The following RBM14 variants were observed in gnomAD, a reference collection of about 807,000 sequenced individuals.
RBM14 encodes RNA-binding protein 14.
RBM14 carries 5 observed loss-of-function variants against 52.8 expected under a neutral mutation model. That is an observed-to-expected ratio of 0.09 (90% confidence interval 0.05 to 0.20). The LOEUF is 0.20. Ranked by LOEUF, RBM14 falls within the 10% of genes least tolerant of loss-of-function variation. The probability of loss-of-function intolerance (pLI) is 1.00; values close to 1 mark genes in which losing one functional copy is unlikely to be tolerated. For synonymous variants in RBM14, 411 were observed against 401.8 expected (o/e 1.02, Z -0.28); for missense variants, 780 against 926.6 (o/e 0.84, Z 2.05).
In RBM14 at chr11:66,624,659, T is replaced by C; in HGVS notation, c.783T>C (p.Tyr261=). The C allele has an allele frequency of 1.2e-6, 2 of 1,613,456 alleles. No homozygotes were observed. Residue 261 remains tyrosine, a synonymous_variant, in exon 2 of 3, where the codon TAT becomes TAC. Transcript: ENST00000310137. The surrounding 1 kb of genome is among the most constrained non-coding windows in gnomAD (Gnocchi z 4.7). ...AQPSASLGVG[Y]RTQPMTAQAA... ...CTTCTGCCTCTTTGGGTGTTGGCTA[T>C]CGGACTCAGCCCATGACAGCCCAGG...
rs1018694411 is a variant in RBM14, at chr11:66,629,915, A to G, written c.*3247A>G. Among the ~76,000 whole-genome samples the G allele has an allele frequency of 1.4e-4, 11 of 77,876 alleles. No individual in the cohort carries two copies. In the South Asian group the frequency reaches 7.8e-3, roughly 56 times the overall value. 51.1% of individuals were successfully genotyped at this position (77,876 alleles called of 152,430 possible). On this transcript the variant is annotated 3_prime_UTR_variant, in exon 3 of 3. Coordinates refer to ENST00000310137, the MANE Select transcript of RBM14 (RefSeq NM_006328.4). ...AATACGGTGAGACCTTGTCTCTACC[A>G]AAAGAAAAGAAAAAAAAAAGCCAGC... is the stretch of plus-strand genomic sequence containing the variant.
In RBM14 at chr11:66,616,705, T is replaced by G. The variant is rs759560354; in HGVS notation, c.-16T>G. The G allele has an allele frequency of 2.5e-6, 4 of 1,581,728 alleles. No homozygotes were observed. Among genetic ancestry groups the G allele is most frequent in the Non-Finnish European group, 3.5e-6 (4 of 1,158,342 alleles). On this transcript the variant is annotated 5_prime_UTR_variant, in exon 1 of 3. Coordinates refer to ENST00000310137, the MANE Select transcript of RBM14 (RefSeq NM_006328.4). ...GAGAGGTCCGGGCTCTCCAGGAAGGTGGCTGCGGCGACAAAATGAAGATAT... is the reference window on the plus strand; with the variant it reads ...GAGAGGTCCGGGCTCTCCAGGAAGGGGGCTGCGGCGACAAAATGAAGATAT...
rs1427956821 is a variant in RBM14, at chr11:66,626,532, G to A, written c.1874G>A (p.Arg625His). ...TTATCAGAGTCGCAGCTTTCGTTCC[G>A]CCGCTCGCCGACAAAGTCCTCGCTG... ...RRLSESQLSF[R>H]RSPTKSSLDY... Residue 625 changes from arginine to histidine, a missense_variant, in exon 3 of 3, where the codon CGC (arginine) becomes CAC (histidine). Transcript: ENST00000310137. 10 of 1,613,874 alleles carry A rather than the reference G, an allele frequency of 6.2e-6. No individual in the cohort carries two copies. Among genetic ancestry groups the A allele is most frequent in the South Asian group, 1.1e-5 (1 of 91,084 alleles).
chr11:66,619,546 T>G (rs529034737), intron 1 of RBM14: 3 of 152,222 alleles, frequency 2.0e-5, no homozygotes, highest in South Asian at 2.1e-4. Flanking sequence ...CTCTGTAGTT[T>G]CAAGTTTAAG....
intron 1 of RBM14, among the ~76,000 whole-genome samples, chr11:66,623,171 G>C (rs776608708): frequency 1.4e-4 from 21 of 152,188 alleles, no homozygotes; most frequent in Non-Finnish European, 2.1e-4. Flanking sequence ...CCTTATAGGT[G>C]AGAAACCAGA....
chr11:66,618,915 G>C, intron 1 of RBM14: 1 of 240,616 alleles, frequency 4.2e-6, no homozygotes. Flanking sequence ...CTGACTCCTT[G>C]TGAGAGTTAG....
chr11:66,621,030 G>A (rs1216246309), intron 1 of RBM14: 5 of 151,774 alleles, frequency 3.3e-5, no homozygotes, highest in Middle Eastern at 6.8e-3. Context: ...TCATTCTTTA[G>A]GGTCTCGCTT....
chr11:66,620,840 C>T (rs2135010249), intron 1 of RBM14: 1 of 151,978 alleles, frequency 6.6e-6, no homozygotes, highest in East Asian at 1.9e-4. Context: ...CTTAATATTC[C>T]CTCAGAATGT....
chr11:66,629,130 A>G lies in RBM14; in HGVS notation c.*2462A>G, dbSNP rs1021710943. The stretch of plus-strand genomic sequence containing the variant: ...TAATTATGCCACCTGTGTTAATCCT[A>G]TAGCCTGCTTCTTTGCTTTGTGGAT... On this transcript the variant is annotated 3_prime_UTR_variant, in exon 3 of 3. Coordinates refer to ENST00000310137, the MANE Select transcript of RBM14 (RefSeq NM_006328.4). Among the ~76,000 whole-genome samples the G allele has an allele frequency of 6.6e-6, 1 of 152,180 alleles. No individual in the cohort carries two copies. The highest frequency in any genetic ancestry group is 1.5e-5 in the Non-Finnish European group (1 of 68,032).
chr11:66,625,319 C>T lies in RBM14; in HGVS notation c.1443C>T (p.Gly481=), dbSNP rs377664926. ...LNSYGAQASM[G]LSGSYGAQSA... ...GTTACGGGGCCCAAGCATCAATGGG[C>T]CTTTCAGGCTCCTATGGGGCTCAGT... The change falls in exon 2 of 3, where the codon GGC becomes GGT. Residue 481 remains glycine, a synonymous_variant. Transcript: ENST00000310137. This position sits in a 1 kb window ranked among gnomAD's most constrained non-coding sequence, Gnocchi z 4.2. 1.2e-6 allele frequency: 2 copies of T among 1,611,170 alleles called. No individual in the cohort carries two copies. Among genetic ancestry groups the T allele is most frequent in the African/African-American group, 2.7e-5 (2 of 74,650 alleles).
chr11:66,629,253 C>T lies in RBM14; in HGVS notation c.*2585C>T, dbSNP rs1262107865. Among the ~76,000 whole-genome samples, 1 of 152,208 alleles carries T rather than the reference C, an allele frequency of 6.6e-6. No individual in the cohort carries two copies. The highest frequency in any genetic ancestry group is 1.5e-5 in the Non-Finnish European group (1 of 68,038). ...TTTGGAAAAATGGACTCTCTATCTT[C>T]AGATTATTCAGCTTCTCCACCTATC... is the stretch of plus-strand genomic sequence containing the variant. On this transcript the variant is annotated 3_prime_UTR_variant, in exon 3 of 3. Transcript: ENST00000310137.
Position 66,625,283 on chromosome 11 carries a change from C to T in RBM14, c.1407C>T (p.Thr469=). Residue 469 remains threonine, a synonymous_variant, in exon 2 of 3, where the codon ACC becomes ACT. Coordinates refer to ENST00000310137, the MANE Select transcript of RBM14 (RefSeq NM_006328.4). The surrounding 1 kb of genome is among the most constrained non-coding windows in gnomAD (Gnocchi z 4.2). ...GSYGAQPVVQ[T]QLNSYGAQAS... ...ATGGGGCCCAGCCGGTTGTGCAGAC[C>T]CAGCTGAATAGTTACGGGGCCCAAG... 1 of 1,612,798 alleles carries T rather than the reference C, an allele frequency of 6.2e-7. No individual in the cohort carries two copies. The highest frequency in any genetic ancestry group is 8.5e-7 in the Non-Finnish European group (1 of 1,179,706).
rs757515691 is a variant in RBM14, at chr11:66,626,588, G to A, written c.1930G>A (p.Asp644Asn). Reference protein sequence around the residue: ...DYRRLPDAHSDYARYSGSYND... With the variant: ...DYRRLPDAHSNYARYSGSYND... ...CCGTCGCCTGCCCGATGCCCATTCC[G>A]ATTACGCACGCTATTCGGGCTCCTA... is the stretch of plus-strand genomic sequence containing the variant. Residue 644 changes from aspartate to asparagine, a missense_variant, in exon 3 of 3, where the codon GAT (aspartate) becomes AAT (asparagine). Around this residue, in one of 4 missense-constraint regions of RBM14, gnomAD observed 675 missense variants for 697.3 expected, o/e 0.97. Coordinates refer to ENST00000310137, the MANE Select transcript of RBM14 (RefSeq NM_006328.4). 3.7e-6 allele frequency: 6 copies of A among 1,613,856 alleles called. No homozygotes were observed. The highest frequency in any genetic ancestry group is 1.7e-5 in the Admixed American group (1 of 60,016).
At position 66,624,645 on chromosome 11, in the gene RBM14, T is replaced by C. The variant is rs1285856489; in HGVS notation, c.769T>C (p.Leu257=). The C allele has an allele frequency of 1.2e-6, 2 of 1,613,224 alleles. No individual in the cohort carries two copies. Among genetic ancestry groups the C allele is most frequent in the Non-Finnish European group, 1.7e-6 (2 of 1,179,944 alleles). ...AAYRAQPSAS[L]GVGYRTQPMT... ...CTACAGGGCCCAGCCTTCTGCCTCT[T>C]TGGGTGTTGGCTATCGGACTCAGCC... Residue 257 remains leucine (L), a synonymous_variant, in exon 2 of 3, where the codon TTG becomes CTG. Coordinates refer to ENST00000310137, the MANE Select transcript of RBM14 (RefSeq NM_006328.4). This position sits in a 1 kb window ranked among gnomAD's most constrained non-coding sequence, Gnocchi z 4.7.
intron 1 of RBM14, chr11:66,619,189 C>T (rs908412282): frequency 1.3e-5 from 2 of 152,214 alleles, no homozygotes; most frequent in Non-Finnish European, 2.9e-5. Flanking sequence ...GTACTCATTT[C>T]TTATGCTGGG....
At chr11:66,618,823 G>C (rs1174847067) in intron 1 of RBM14, among the ~76,000 whole-genome samples, 6 of 152,180 alleles carry the variant, frequency 3.9e-5, no homozygotes, top group Admixed American at 3.9e-4. Flanking sequence ...TCAAAAATTT[G>C]CCTGAAATTT....
chr11:66,622,273 C>T (rs150036384), intron 1 of RBM14, among the ~76,000 whole-genome samples: 1 of 151,128 alleles, frequency 6.6e-6, no homozygotes, highest in African/African-American at 2.4e-5. Context: ...GCTGTGTCAC[C>T]CAGACTGGAG....
In RBM14 at chr11:66,624,977, C is replaced by G; in HGVS notation, c.1101C>G (p.Thr367=). ...GTGCAGCTGCTTCTTCCTACAACAC[C>G]CAGGGAGCAGCTTCCTCCTTAGGCT... is the stretch of plus-strand genomic sequence containing the variant. ...GVRAAASSYN[T]QGAASSLGSY... Residue 367 remains threonine, a synonymous_variant, in exon 2 of 3, where the codon ACC becomes ACG. Transcript: ENST00000310137. The surrounding 1 kb of genome is among the most constrained non-coding windows in gnomAD (Gnocchi z 4.7). 1 of 1,613,938 alleles carries G rather than the reference C, an allele frequency of 6.2e-7. No individual in the cohort carries two copies. The highest frequency in any genetic ancestry group is 8.5e-7 in the Non-Finnish European group (1 of 1,179,954).
chr11:66,617,434 C>G (rs1744818649), intron 1 of RBM14: 2 of 1,050,716 alleles, frequency 1.9e-6, no homozygotes, highest in East Asian at 1.5e-4. Context: ...GAAGATTTCT[C>G]CACTTCCCCA....
Sources: gnomAD v4.1 joint callset for allele counts (sites outside exome capture counted in the v4.1 genomes callset) on GRCh38, gnomAD v4.1.1 for gene constraint, gnomAD v4.1.1 regional missense constraint, Gnocchi (gnomAD v3.1) non-coding constraint, MANE v1.5 for transcripts, NCBI Gene and HGNC (gene_info 2026-07-23, HGNC 2026-07-21) for gene names.